RYK: variants seen among roughly 807,000 people sequenced by gnomAD.
The protein encoded by RYK is inactive tyrosine-protein kinase RYK.
A neutral mutation model predicts 70.2 loss-of-function variants in RYK; 21 were observed. The ratio of observed to expected loss-of-function variants is 0.30; its 90% confidence interval spans 0.21 to 0.43. The LOEUF (loss-of-function observed/expected upper bound fraction) is 0.43, where lower values mean the gene tolerates loss of function less well. Among genes scored for constraint, RYK ranks in the 20% least tolerant of loss-of-function variants. The probability of loss-of-function intolerance (pLI) is 1.00; values close to 1 mark genes in which losing one functional copy is unlikely to be tolerated. For missense variants in RYK, 604 were observed against 753.3 expected (o/e 0.80, Z 2.32); for synonymous variants, 267 against 278.0 (o/e 0.96, Z 0.39).
At chr3:134,176,148 C>T in intron 11 of RYK, 109 bp from the exon 12 acceptor site, 1 of 685,146 alleles carries the variant, frequency 1.5e-6, no homozygotes, top group Admixed American at 2.7e-5. Context: ...CTGCTTTAAA[C>T]CTACACACAG....
At chr3:134,170,151 T>C (rs550157949) in intron 13 of RYK, among the ~76,000 whole-genome samples, 1 of 152,298 alleles carries the variant, frequency 6.6e-6, no homozygotes, top group Non-Finnish European at 1.5e-5. Flanking sequence ...TACATACATA[T>C]GTGTGTGTGG....
intron 1 of RYK, among the ~76,000 whole-genome samples, chr3:134,250,143 G>C (rs778854424): frequency 1.3e-5 from 2 of 152,132 alleles, no homozygotes; most frequent in Non-Finnish European, 2.9e-5. Context: ...AGGGAGAAGG[G>C]CTAAGGAGGC....
rs1029703629 is a variant in RYK, at chr3:134,250,774, G to C, written c.-120C>G. 2.1e-5 allele frequency: 7 copies of C among 325,950 alleles called. No individual in the cohort carries two copies. Among genetic ancestry groups the C allele is most frequent in the South Asian group, 2.3e-4 (2 of 8,876 alleles). 20.2% of individuals were successfully genotyped at this position (325,950 alleles called of 1,614,324 possible). A position where few individuals can be genotyped will look rare whatever the true frequency, so the allele number is the denominator to read the frequency against. Reference sequence around the variant, plus strand: ...CGGCTGCCCAGCTCATCGCACCGCCGGCCCGTGGCAGCCAGCAGTGGCTTC... The same window carrying C: ...CGGCTGCCCAGCTCATCGCACCGCCCGCCCGTGGCAGCCAGCAGTGGCTTC... On this transcript the variant is annotated 5_prime_UTR_variant, in exon 1 of 15. Coordinates refer to ENST00000623711, the MANE Select transcript of RYK (RefSeq NM_002958.4).
chr3:134,174,267 A>G (rs753200769), intron 13 of RYK, among the ~76,000 whole-genome samples: 3 of 152,196 alleles, frequency 2.0e-5, no homozygotes, highest in Non-Finnish European at 2.9e-5. Context: ...GAAGTGAACC[A>G]CGAGAGACTA....
chr3:134,226,364 C>T (rs1203548038), intron 1 of RYK, among the ~76,000 whole-genome samples: 2 of 151,984 alleles, frequency 1.3e-5, no homozygotes, highest in Admixed American at 1.3e-4. Context: ...AAAACCTATC[C>T]CAAAAGAAAG....
At chr3:134,224,662 G>A (rs1052463132) in intron 1 of RYK, among the ~76,000 whole-genome samples, 2 of 151,800 alleles carry the variant, frequency 1.3e-5, no homozygotes, top group African/African-American at 2.4e-5. Flanking sequence ...AGGCACTGGC[G>A]CTACCACTAG....
At chr3:134,172,757 G>A (rs2012961767) in intron 13 of RYK, among the ~76,000 whole-genome samples, 1 of 152,214 alleles carries the variant, frequency 6.6e-6, no homozygotes, top group South Asian at 2.1e-4. Context: ...TAATGCTAGA[G>A]AGAGATTTTT....
At chr3:134,213,546 C>T (rs1262469530) in intron 2 of RYK, among the ~76,000 whole-genome samples, 1 of 152,076 alleles carries the variant, frequency 6.6e-6, no homozygotes, top group Non-Finnish European at 1.5e-5. Context: ...TGTTGCAGGC[C>T]TTCTGTTTTT....
At chr3:134,243,605 A>AT (rs1006819082) in intron 1 of RYK, among the ~76,000 whole-genome samples, 6 of 151,942 alleles carry the variant, frequency 3.9e-5, no homozygotes, top group African/African-American at 1.5e-4. Context: ...GCCACATTAG[A>AT]TTTTTCCTAC....
chr3:134,237,516 A>T (rs1232664742), intron 1 of RYK, among the ~76,000 whole-genome samples: 1 of 152,250 alleles, frequency 6.6e-6, no homozygotes, highest in Non-Finnish European at 1.5e-5. Context: ...AAAGAAAATG[A>T]TACTTTAAAG....
At chr3:134,192,165 C>T (rs1482270301) in intron 7 of RYK, among the ~76,000 whole-genome samples, 191 bp from the exon 8 acceptor site, 1 of 152,156 alleles carries the variant, frequency 6.6e-6, no homozygotes, top group Non-Finnish European at 1.5e-5. Flanking sequence ...AATGTCTCCT[C>T]ACCCACCACA....
intron 13 of RYK, 127 bp from the exon 14 acceptor site, chr3:134,159,500 T>TA: frequency 1.2e-6 from 1 of 843,134 alleles, no homozygotes; most frequent in African/African-American, 1.7e-5. Flanking sequence ...AAATGTTATT[T>TA]ACAAAAAAAT....
At chr3:134,191,783 G>T (rs912050878) in intron 8 of RYK, 66 bp downstream of exon 8, 1 of 1,338,676 alleles carries the variant, frequency 7.5e-7, no homozygotes, top group Non-Finnish European at 1.0e-6. Flanking sequence ...TTAAATTTTT[G>T]AAAAAAGTGT....
At chr3:134,207,757 C>G (rs528877605) in intron 4 of RYK, among the ~76,000 whole-genome samples, 8 of 152,234 alleles carry the variant, frequency 5.3e-5, no homozygotes, top group African/African-American at 1.7e-4. Flanking sequence ...TTCCTATGAT[C>G]AAGAAGTTTG....
At chr3:134,224,790 C>A (rs1333232476) in intron 1 of RYK, among the ~76,000 whole-genome samples, 1 of 152,238 alleles carries the variant, frequency 6.6e-6, no homozygotes, top group Non-Finnish European at 1.5e-5. Flanking sequence ...GTCTTCTGGT[C>A]ACTTCTCACC....
At chr3:134,210,929 A>C (rs2014374265) in intron 3 of RYK, among the ~76,000 whole-genome samples, 1 of 152,192 alleles carries the variant, frequency 6.6e-6, no homozygotes, top group Non-Finnish European at 1.5e-5. Context: ...GATGAATAGA[A>C]AGGAGTTCAC....
At chr3:134,206,572 T>C (rs1267653650) in intron 5 of RYK, among the ~76,000 whole-genome samples, 2 of 152,200 alleles carry the variant, frequency 1.3e-5, no homozygotes, top group Admixed American at 6.5e-5. Context: ...CTATTGGAGA[T>C]ACTAAGCAAC....
chr3:134,216,082 A>G (rs1407979909), intron 2 of RYK, among the ~76,000 whole-genome samples: 1 of 152,048 alleles, frequency 6.6e-6, no homozygotes, highest in Non-Finnish European at 1.5e-5. Context: ...AAGGAAAAAA[A>G]AAGAAACAAA....
rs1325096617 is a variant in RYK at position 134,202,760 on chromosome 3, T to C, written c.758A>G (p.His253Arg). Reference protein sequence around the residue: ...VAIILAVLHLHSMKRIELDDS... With the variant: ...VAIILAVLHLRSMKRIELDDS... Reference sequence around the variant, plus strand: ...ATCCAGTTCAATCCTTTTCATACTATGAAGGTGCAAAACAGCTAATATTAT... The same window carrying C: ...ATCCAGTTCAATCCTTTTCATACTACGAAGGTGCAAAACAGCTAATATTAT... Residue 253 changes from histidine to arginine, a missense_variant, in exon 6 of 15, where the codon CAT (histidine) becomes CGT (arginine). His to Arg is a conservative substitution (Grantham distance 29, BLOSUM62 0). This residue lies in a region of RYK where 466 missense variants were observed against 535.9 expected (regional missense o/e 0.87). Transcript: ENST00000623711. 28 of 1,612,916 alleles carry C rather than the reference T, an allele frequency of 1.7e-5. No individual in the cohort carries two copies. The highest frequency in any genetic ancestry group is 2.3e-5 in the Non-Finnish European group (27 of 1,179,692).
Sources: gnomAD v4.1 joint callset for allele counts (sites outside exome capture counted in the v4.1 genomes callset) on GRCh38, gnomAD v4.1.1 for gene constraint, gnomAD v4.1.1 regional missense constraint, MANE v1.5 for transcripts, NCBI Gene and HGNC (gene_info 2026-07-23, HGNC 2026-07-21) for gene names.